The following ADAMTS10 variants were observed in gnomAD, a reference collection of about 807,000 sequenced individuals.
ADAMTS10 encodes A disintegrin and metalloproteinase with thrombospondin motifs 10.
In ADAMTS10, 48 loss-of-function variants were observed where a neutral mutation model predicts 135.9. That is an observed-to-expected ratio of 0.35 (90% CI 0.28 to 0.45). The LOEUF is 0.45. Among genes scored for constraint, ADAMTS10 ranks in the 20% least tolerant of loss-of-function variants. The pLI is 1.00. For missense variants in ADAMTS10, 1,131 were observed against 1,565.2 expected (o/e 0.72, Z 4.68); for synonymous variants, 621 against 647.5 (o/e 0.96, Z 0.62).
chr19:8,587,748 G>A (rs1446811636), intron 18 of ADAMTS10, among the ~76,000 whole-genome samples: 1 of 151,882 alleles, frequency 6.6e-6, no homozygotes, highest in East Asian at 1.9e-4. Context: ...TGGCTAACAC[G>A]GTGAAACCCC....
At chr19:8,606,841 C>T (rs1344705188) in intron 2 of ADAMTS10, among the ~76,000 whole-genome samples, 1 of 152,126 alleles carries the variant, frequency 6.6e-6, no homozygotes, top group African/African-American at 2.4e-5. Context: ...TGTGGGGTTC[C>T]ATCTCTTAGG....
At chr19:8,608,862 T>G (rs2042749917) in intron 1 of ADAMTS10, among the ~76,000 whole-genome samples, 8 of 148,062 alleles carry the variant, frequency 5.4e-5, no homozygotes, top group South Asian at 2.2e-4. Flanking sequence ...GCACAGGGGG[T>G]GAGGACAGGG....
chr19:8,589,401 A>ACC, intron 17 of ADAMTS10, 36 bp from the exon 18 acceptor site: 32 of 1,599,110 alleles, frequency 2.0e-5, no homozygotes, highest in African/African-American at 4.0e-5. Flanking sequence ...CGACCCCCTA[A>ACC]CCCACCCCCG....
Position 8,589,603 on chromosome 19 carries a change from G to C in ADAMTS10, c.1901-18C>G, listed in dbSNP as rs538632012. The C allele has an allele frequency of 1.9e-6, 3 of 1,613,082 alleles. No homozygotes were observed. The highest frequency in any genetic ancestry group is 2.5e-6 in the Non-Finnish European group (3 of 1,179,928). On this transcript the variant is annotated intron_variant, in intron 16 of 25. Transcript: ENST00000597188. ...CACGCCCCCTGGGGGGCACGGCCCC[G>C]TCACACCACGGGCCAGGCCACCCCG...
chr19:8,587,933 A>G (rs1293562308), intron 18 of ADAMTS10, among the ~76,000 whole-genome samples: 1 of 146,246 alleles, frequency 6.8e-6, no homozygotes, highest in Non-Finnish European at 1.5e-5. Flanking sequence ...CCCATCTCAA[A>G]AAAAAAAAAA....
At chr19:8,593,215 AGTC>A (rs2042564631) in intron 12 of ADAMTS10, 1 of 354,940 alleles carries the variant, frequency 2.8e-6, no homozygotes, top group African/African-American at 2.1e-5. Flanking sequence ...TTTAATTCAG[AGTC>A]TGTGCTCTAA....
chr19:8,585,576 G>C lies in ADAMTS10; in HGVS notation c.2745C>G (p.Val915=), dbSNP rs1555736837. 6.2e-7 allele frequency: 1 copy of C among 1,607,098 alleles called. No homozygotes were observed. Among genetic ancestry groups the C allele is most frequent in the Non-Finnish European group, 8.5e-7 (1 of 1,177,358 alleles). Residue 915 remains valine (V), a synonymous_variant, in exon 23 of 26, where the codon GTC becomes GTG. Coordinates refer to ENST00000597188, the MANE Select transcript of ADAMTS10 (RefSeq NM_030957.4). ...RSRSVVCQRR[V]SAAEEKALDD... ...CCAGCGCCTTCTCCTCCGCGGCAGA[G>C]ACGCGGCGCTGGCACACGACCGAGC...
chr19:8,590,277 A>G (rs1222958779), intron 15 of ADAMTS10, among the ~76,000 whole-genome samples: 1 of 151,130 alleles, frequency 6.6e-6, no homozygotes, highest in Non-Finnish European at 1.5e-5. Flanking sequence ...GCTTGCTTGC[A>G]TTTTTTTTCT....
chr19:8,595,698 T>TACCAACC, intron 12 of ADAMTS10, 64 bp downstream of exon 12: 8 of 1,291,938 alleles, frequency 6.2e-6, no homozygotes, highest in Non-Finnish European at 7.5e-6. Context: ...CTGGTGGAGT[T>TACCAACC]CCCTCCCCCA....
In ADAMTS10 at chr19:8,605,312, G is replaced by A. The variant is rs782775385; in HGVS notation, c.135C>T (p.Thr45=). Reference sequence around the variant, plus strand: ...GCAGTGCCCCGTTGTGGTCCACGCGGGTGGGGAAGGCGATCTCATAGCTCT... The same window carrying A: ...GCAGTGCCCCGTTGTGGTCCACGCGAGTGGGGAAGGCGATCTCATAGCTCT... ...SLESYEIAFP[T]RVDHNGALLA... The change falls in exon 4 of 26, where the codon ACC becomes ACT. Residue 45 remains threonine (T), a synonymous_variant. Transcript: ENST00000597188. This position sits in a 1 kb window ranked among gnomAD's most constrained non-coding sequence, Gnocchi z 7.7. 2 of 1,610,814 alleles carry A rather than the reference G, an allele frequency of 1.2e-6. No individual in the cohort carries two copies. The highest frequency in any genetic ancestry group is 1.7e-5 in the Admixed American group (1 of 59,498).
intron 13 of ADAMTS10, among the ~76,000 whole-genome samples, chr19:8,592,400 C>T (rs1394835952): frequency 1.3e-5 from 2 of 151,880 alleles, no homozygotes; most frequent in Non-Finnish European, 2.9e-5. Flanking sequence ...GAGGGGAGGT[C>T]TACAGGCAGT....
In ADAMTS10 at chr19:8,605,180, C is replaced by T; in HGVS notation, c.267G>A (p.Leu89=). 6.2e-7 allele frequency: 1 copy of T among 1,614,046 alleles called. No individual in the cohort carries two copies. The highest frequency in any genetic ancestry group is 8.5e-7 in the Non-Finnish European group (1 of 1,179,952). The part of the protein sequence containing the change: ...KVASPSTHFL[L]NLTRSSRLLA... ...GTAGACGGGAGCTGCGGGTCAGGTT[C>T]AGCAGGAAGTGGGTGCTGGGCGAGG... Residue 89 remains leucine, a synonymous_variant, in exon 4 of 26, where the codon CTG becomes CTA. Transcript: ENST00000597188. This position sits in a 1 kb window ranked among gnomAD's most constrained non-coding sequence, Gnocchi z 7.7.
intron 2 of ADAMTS10, among the ~76,000 whole-genome samples, chr19:8,607,677 G>A (rs183913034): frequency 2.6e-5 from 4 of 152,202 alleles, no homozygotes; most frequent in Admixed American, 2.6e-4. Flanking sequence ...GTTGCTGATG[G>A]ACCAAGAAGC....
At chr19:8,595,501 C>T (rs571615234) in intron 12 of ADAMTS10, 9 of 508,806 alleles carry the variant, frequency 1.8e-5, no homozygotes, top group Non-Finnish European at 2.9e-5. Context: ...CAGAAGCTGG[C>T]CCCCCAGCCC....
Position 8,596,382 on chromosome 19 carries a change from C to A in ADAMTS10, c.1115G>T (p.Arg372Leu), listed in dbSNP as rs782569374. The change falls in exon 10 of 26, where the codon CGC becomes CTC. Residue 372 changes from arginine (R) to leucine (L), a missense_variant. By Grantham distance (102) the Arg-to-Leu change is moderately radical (BLOSUM62 -2). Around this residue, in one of 3 missense-constraint regions of ADAMTS10, gnomAD observed 745 missense variants for 1,056.3 expected, o/e 0.71. Coordinates refer to ENST00000597188, the MANE Select transcript of ADAMTS10 (RefSeq NM_030957.4). The surrounding 1 kb of genome is among the most constrained non-coding windows in gnomAD (Gnocchi z 7.2). ...GLAPVGGMCE[R>L]ERSCSVNEDI... ...CTCATTGACGCTGCAGCTTCTCTCG[C>A]GCTCACACATTCCGCCCACCGGGGC... is the stretch of plus-strand genomic sequence containing the variant. 1.2e-6 allele frequency: 2 copies of A among 1,613,124 alleles called. No individual in the cohort carries two copies. Among genetic ancestry groups the A allele is most frequent in the Non-Finnish European group, 1.7e-6 (2 of 1,179,872 alleles).
intron 12 of ADAMTS10, among the ~76,000 whole-genome samples, chr19:8,595,235 A>G (rs894998497): frequency 3.9e-5 from 6 of 152,130 alleles, no homozygotes; most frequent in East Asian, 1.9e-4. Context: ...CTGCCCCCCA[A>G]TGCCCTTCTC....
At chr19:8,607,936 G>C (rs957423113) in intron 2 of ADAMTS10, among the ~76,000 whole-genome samples, 198 bp downstream of exon 2, 2 of 150,986 alleles carry the variant, frequency 1.3e-5, no homozygotes, top group African/African-American at 4.9e-5. Context: ...TCAGCCTCCC[G>C]AGTAGCTGGG....
chr19:8,586,834 G>A lies in ADAMTS10; in HGVS notation c.2221C>T (p.Leu741Phe), dbSNP rs2042439462. 1 of 1,614,104 alleles carries A rather than the reference G, an allele frequency of 6.2e-7. No individual in the cohort carries two copies. The highest frequency in any genetic ancestry group is 8.5e-7 in the Non-Finnish European group (1 of 1,180,028). ...SVHIFIQDLN[L>F]SLSHLALKGD... is the part of the protein sequence containing the mutation. ...TGCTCACCCAAGTGACTGAGAGAGA[G>A]GTTCAGATCCTGGATGAAGATGTGG... is the stretch of plus-strand genomic sequence containing the variant. The change falls in exon 19 of 26, where the codon CTC becomes TTC. Residue 741 changes from leucine (L) to phenylalanine (F), a missense_variant. Leu to Phe is a conservative substitution (Grantham distance 22, BLOSUM62 0). Transcript: ENST00000597188.
chr19:8,605,816 G>T lies in ADAMTS10; in HGVS notation c.-99-7C>A, dbSNP rs907764817. ...TCGCAGCATCACCGGGCTCCTGGGA[G>T]GGGGGAGCCAGGTAAGGGGGCGCCT... On this transcript the variant is annotated splice_region_variant and splice_polypyrimidine_tract_variant and intron_variant, in intron 2 of 25. Transcript: ENST00000597188. The surrounding 1 kb of genome is among the most constrained non-coding windows in gnomAD (Gnocchi z 7.7). 10 of 1,510,620 alleles carry T rather than the reference G, an allele frequency of 6.6e-6. No individual in the cohort carries two copies. The Admixed American group carries it at 8.3e-5, about 13-fold the overall frequency. 93.6% of individuals were successfully genotyped at this position (1,510,620 alleles called of 1,614,324 possible).
Sources: allele counts gnomAD v4.1 joint callset (sites outside exome capture counted in the v4.1 genomes callset), GRCh38; gene constraint gnomAD v4.1.1; regional missense constraint gnomAD v4.1.1; non-coding constraint Gnocchi (gnomAD v3.1); transcripts MANE v1.5; gene names NCBI Gene and HGNC (gene_info 2026-07-23, HGNC 2026-07-21).